Variants in MYH10 observed in about 807,000 individuals in gnomAD.
MYH10 encodes myosin heavy chain 10, also known as myosin-10.
In MYH10, 55 loss-of-function variants were observed where a neutral mutation model predicts 257.8. That is an observed-to-expected ratio of 0.21 (90% CI 0.17 to 0.27). The LOEUF (loss-of-function observed/expected upper bound fraction) is 0.27. Among genes scored for constraint, MYH10 ranks in the 10% least tolerant of loss-of-function variants. MYH10 has a pLI of 1.00. For synonymous variants in MYH10, 854 were observed against 921.7 expected (o/e 0.93, Z 1.33); for missense variants, 1,631 against 2,500.6 (o/e 0.65, Z 7.42).
intron 42 of MYH10, 101 bp downstream of exon 42, chr17:8,476,775 G>A: frequency 2.4e-6 from 3 of 1,261,792 alleles, no homozygotes; most frequent in Non-Finnish European, 3.2e-6. Flanking sequence ...ATGGGTCACT[G>A]GGTATGGATC....
chr17:8,548,193 T>TCTA, intron 11 of MYH10, 120 bp downstream of exon 11: 1 of 650,442 alleles, frequency 1.5e-6, no homozygotes, highest in Non-Finnish European at 2.6e-6. Flanking sequence ...ATGTTGTCAC[T>TCTA]CTACTCAAGG....
chr17:8,517,530 A>T (rs1024282869), intron 21 of MYH10, among the ~76,000 whole-genome samples: 7 of 152,230 alleles, frequency 4.6e-5, no homozygotes, highest in East Asian at 1.9e-4. Flanking sequence ...AAATACCAGT[A>T]TTACCTTCTA....
Position 8,519,889 on chromosome 17 carries a change from CAT to C in MYH10, c.2274-941_2274-940del, listed in dbSNP as rs1274932287. Among the ~76,000 whole-genome samples, 3 of 151,746 alleles carry C rather than the reference CAT, an allele frequency of 2.0e-5. No individual in the cohort carries two copies. The East Asian group carries it at 5.8e-4, about 29-fold the overall frequency. On this transcript the variant is annotated intron_variant, in intron 19 of 42. Transcript: ENST00000360416. ...AATAAAAGTTAAAAATAACTCTCAA[CAT>C]ATGTTTGTATCCATTTCCACTGCAA...
chr17:8,557,118 A>T (rs1277876280), intron 7 of MYH10, among the ~76,000 whole-genome samples: 1 of 152,214 alleles, frequency 6.6e-6, no homozygotes, highest in Non-Finnish European at 1.5e-5. Context: ...TATATTAAAA[A>T]AATGAGTAGT....
At chr17:8,590,881 T>TTTTTC in intron 3 of MYH10, among the ~76,000 whole-genome samples, 1 of 137,712 alleles carries the variant, frequency 7.3e-6, no homozygotes, top group Non-Finnish European at 1.6e-5. Context: ...GCCTTTTTTT[T>TTTTTC]TTTTTTTTTG....
rs143487101 is a variant in MYH10 at position 8,529,954 on chromosome 17, T to C, written c.1957+669A>G. On this transcript the variant is annotated intron_variant, in intron 17 of 42. Transcript: ENST00000360416. The stretch of plus-strand genomic sequence containing the variant: ...GATTCAGATCACAAAGCCCAAACAT[T>C]TGGAGCTCAATTTAAGGTTCAATGT... 7.1e-3 allele frequency among the ~76,000 whole-genome samples: 1,082 copies of C among 152,324 alleles called. 18 individuals are homozygous for C. Among genetic ancestry groups the C allele is most frequent in the African/African-American group, 0.024 (978 of 41,564 alleles).
chr17:8,481,443 G>A, intron 37 of MYH10, 33 bp from the exon 38 acceptor site: 1 of 1,599,344 alleles, frequency 6.3e-7, no homozygotes, highest in South Asian at 1.1e-5. Flanking sequence ...AGCTCTGGCT[G>A]TGAATAGTTT....
chr17:8,496,610 C>T lies in MYH10; in HGVS notation c.3952-1369G>A, dbSNP rs115979154. Among the ~76,000 whole-genome samples the T allele has an allele frequency of 6.8e-3, 1,028 of 152,294 alleles. 13 individuals are homozygous for T. The highest frequency in any genetic ancestry group is 0.024 in the African/African-American group (987 of 41,532). ...GGAACTGTCACTCCCCTCCCTTCCC[C>T]GCCGTAGGCAGAGTTCATAATGCTG... On this transcript the variant is annotated intron_variant, in intron 30 of 42. Coordinates refer to ENST00000360416, the MANE Select transcript of MYH10 (RefSeq NM_001256012.3).
intron 31 of MYH10, 143 bp downstream of exon 31, chr17:8,494,994 G>A: frequency 1.6e-6 from 1 of 610,102 alleles, no homozygotes; most frequent in South Asian, 2.0e-5. Context: ...ATCCCGAGTA[G>A]CAAGGCTGGC....
intron 19 of MYH10, among the ~76,000 whole-genome samples, chr17:8,520,259 G>T (rs1319670713): frequency 6.6e-6 from 1 of 152,094 alleles, no homozygotes; most frequent in Admixed American, 6.5e-5. Flanking sequence ...CAGCACTTTG[G>T]GAGGCCGAGG....
At chr17:8,539,598 C>CT (rs377039060) in intron 14 of MYH10, among the ~76,000 whole-genome samples, 6 of 151,460 alleles carry the variant, frequency 4.0e-5, no homozygotes, top group African/African-American at 1.5e-4. Flanking sequence ...AAATTCTTTT[C>CT]TTTTTTTTTG....
At chr17:8,601,447 C>G (rs142174532) in intron 3 of MYH10, among the ~76,000 whole-genome samples, 2 of 152,328 alleles carry the variant, frequency 1.3e-5, no homozygotes, top group East Asian at 3.9e-4. Context: ...TCTCCTTTCA[C>G]TATTTCCACC....
chr17:8,615,151 C>T (rs570531120), intron 2 of MYH10, among the ~76,000 whole-genome samples: 7 of 151,910 alleles, frequency 4.6e-5, no homozygotes, highest in South Asian at 4.2e-4. Flanking sequence ...AGAAATTAGC[C>T]GGGTGTGGTC....
At chr17:8,625,177 A>G (rs1000371351) in intron 1 of MYH10, among the ~76,000 whole-genome samples, 2 of 152,092 alleles carry the variant, frequency 1.3e-5, no homozygotes, top group African/African-American at 4.8e-5. Flanking sequence ...CTTGAACCTG[A>G]GAGGCGGAGG....
chr17:8,534,254 TAC>T, intron 16 of MYH10, among the ~76,000 whole-genome samples: 1 of 152,308 alleles, frequency 6.6e-6, no homozygotes. Flanking sequence ...CACCTAAAGG[TAC>T]AAAGATTAAA....
chr17:8,604,983 C>A lies in MYH10; in HGVS notation c.346-1G>T. On this transcript the variant is annotated splice_acceptor_variant, in intron 2 of 42. Transcript: ENST00000360416. LOFTEE classifies it high-confidence loss of function. The stretch of plus-strand genomic sequence containing the variant: ...CTACACAGAAGAGTCCAGAATAAGT[C>A]TAGAATAAAAATAAAATAGAGTATT... 7.0e-7 allele frequency: 1 copy of A among 1,428,594 alleles called. No homozygotes were observed. Among genetic ancestry groups the A allele is most frequent in the Non-Finnish European group, 9.5e-7 (1 of 1,056,796 alleles). 88.5% of individuals were successfully genotyped at this position (1,428,594 alleles called of 1,614,324 possible).
chr17:8,597,007 C>T (rs1428110104), intron 3 of MYH10, among the ~76,000 whole-genome samples: 5 of 152,010 alleles, frequency 3.3e-5, no homozygotes, highest in Non-Finnish European at 7.4e-5. Context: ...GGAGGTGCGT[C>T]GTCAAGGGGG....
chr17:8,489,708 A>AACACACAC (rs59065540), intron 35 of MYH10, among the ~76,000 whole-genome samples: 24 of 93,084 alleles, frequency 2.6e-4, no homozygotes, highest in African/African-American at 8.5e-4. Context: ...CGTCTGAAAA[A>AACACACAC]ACACACACAC....
intron 4 of MYH10, among the ~76,000 whole-genome samples, chr17:8,582,274 G>A (rs555105428): frequency 2.0e-4 from 30 of 152,274 alleles, no homozygotes; most frequent in African/African-American, 7.0e-4. Flanking sequence ...CAAAAAGAAA[G>A]CTCAGCAGAC....
Sources: allele counts gnomAD v4.1 joint callset (sites outside exome capture counted in the v4.1 genomes callset), GRCh38; gene constraint gnomAD v4.1.1; transcripts MANE v1.5; gene names NCBI Gene and HGNC (gene_info 2026-07-23, HGNC 2026-07-21).